The following APBB2 variants were observed in gnomAD, a reference collection of about 807,000 sequenced individuals.
APBB2 encodes amyloid beta precursor protein binding family B member 2.
Under a neutral mutation model 82.5 loss-of-function variants are expected in APBB2, and 38 were observed. The observed-to-expected ratio is 0.46, with a 90% CI of 0.36 to 0.60. The LOEUF is 0.60. Among genes scored for constraint, APBB2 ranks in the 20% least tolerant of loss-of-function variants. The pLI is 0.00. For missense variants in APBB2, 772 were observed against 972.3 expected, an observed-to-expected ratio of 0.79 and a Z score of 2.74; for synonymous variants, 341 against 368.2, an observed-to-expected ratio of 0.93 and a Z score of 0.85.
chr4:41,133,246 T>C (rs1309492759), intron 2 of APBB2, among the ~76,000 whole-genome samples: 2 of 152,256 alleles, frequency 1.3e-5, no homozygotes. Context: ...ATAAATATCT[T>C]GGCATAGTTT....
chr4:41,152,447 C>T (rs1214427268), intron 1 of APBB2, among the ~76,000 whole-genome samples: 2 of 152,000 alleles, frequency 1.3e-5, no homozygotes, highest in African/African-American at 2.4e-5. Flanking sequence ...CTCAGCCTCC[C>T]GAGTAGCTGG....
Position 41,162,909 on chromosome 4 carries a change from CTGAG to C in APBB2, c.-416-19771_-416-19768del, listed in dbSNP as rs576542851. 3.1e-4 allele frequency among the ~76,000 whole-genome samples: 47 copies of C among 152,206 alleles called. No individual in the cohort carries two copies. The South Asian group carries it at 9.6e-3, about 31-fold the overall frequency. On this transcript the variant is annotated intron_variant, in intron 1 of 17. Coordinates refer to ENST00000508593, the MANE Select transcript of APBB2 (RefSeq NM_004307.2). Reference sequence around the variant, plus strand: ...GTTGATTCAATTCAGCAAATATCCACTGAGTATCAATAAGGGCAAGGTGTGTGGA... The same window carrying C: ...GTTGATTCAATTCAGCAAATATCCACTATCAATAAGGGCAAGGTGTGTGGA...
intron 2 of APBB2, among the ~76,000 whole-genome samples, chr4:41,101,712 C>A (rs1745508978): frequency 6.6e-6 from 1 of 151,994 alleles, no homozygotes; most frequent in Non-Finnish European, 1.5e-5. Context: ...ATAATCCCAG[C>A]ACTTTGGGAG....
chr4:40,986,901 C>T (rs372627346), intron 6 of APBB2, among the ~76,000 whole-genome samples: 27 of 152,268 alleles, frequency 1.8e-4, no homozygotes, highest in Middle Eastern at 3.4e-3. Context: ...ACCGTCAATA[C>T]GGCAAAGGAG....
At chr4:41,089,913 C>T (rs918043665) in intron 3 of APBB2, among the ~76,000 whole-genome samples, 6 of 152,158 alleles carry the variant, frequency 3.9e-5, no homozygotes, top group Admixed American at 1.3e-4. Context: ...TATTGTCAAG[C>T]ATTACCTGAA....
At chr4:40,946,254 A>ACAAAAAAAAAAAAAAAAAAAAAAAAAC (rs1553875176) in intron 6 of APBB2, among the ~76,000 whole-genome samples, 1 of 114,560 alleles carries the variant, frequency 8.7e-6, no homozygotes, top group Non-Finnish European at 1.8e-5. Context: ...AAAAAAAAAA[A>ACAAAAAAAAAAAAAAAAAAAAAAAAAC]CATTCCCAAG....
At chr4:41,013,447 G>T in intron 6 of APBB2, 136 bp downstream of exon 6, 2 of 788,128 alleles carry the variant, frequency 2.5e-6, no homozygotes, top group Non-Finnish European at 4.1e-6. Context: ...CAAATAAATT[G>T]CCCAATTTTA....
intron 1 of APBB2, among the ~76,000 whole-genome samples, chr4:41,198,160 A>G: frequency 3.9e-5 from 6 of 152,090 alleles, no homozygotes; most frequent in African/African-American, 1.4e-4. Flanking sequence ...CTCCATATTC[A>G]CCACCTCCCT....
intron 6 of APBB2, among the ~76,000 whole-genome samples, chr4:40,945,616 G>A (rs965892001): frequency 1.3e-5 from 2 of 152,042 alleles, no homozygotes; most frequent in Admixed American, 1.3e-4. Flanking sequence ...TAATACTCTA[G>A]AATTCTTTTT....
At chr4:40,873,170 G>A (rs1360184326) in intron 12 of APBB2, among the ~76,000 whole-genome samples, 1 of 151,810 alleles carries the variant, frequency 6.6e-6, no homozygotes, top group Non-Finnish European at 1.5e-5. Context: ...ATACTTCTGT[G>A]GTATAATCTG....
intron 4 of APBB2, among the ~76,000 whole-genome samples, chr4:41,033,621 C>CACACA (rs3222357): frequency 7.1e-6 from 1 of 141,462 alleles, no homozygotes; most frequent in Non-Finnish European, 1.6e-5. Context: ...CACACACACA[C>CACACA]AATTCAGCAC....
chr4:41,035,946 C>T (rs1719004955), intron 4 of APBB2, among the ~76,000 whole-genome samples: 1 of 152,044 alleles, frequency 6.6e-6, no homozygotes, highest in Admixed American at 6.6e-5. Context: ...ACCACCTGAG[C>T]CCAGGAGTTT....
intron 5 of APBB2, among the ~76,000 whole-genome samples, chr4:41,016,022 G>A (rs1468083591): frequency 6.6e-6 from 1 of 152,134 alleles, no homozygotes; most frequent in Non-Finnish European, 1.5e-5. Context: ...ACTCAAGAGT[G>A]GCATTTCATA....
intron 6 of APBB2, among the ~76,000 whole-genome samples, chr4:40,962,236 C>T (rs1278614463): frequency 6.6e-6 from 1 of 152,078 alleles, no homozygotes; most frequent in African/African-American, 2.4e-5. Flanking sequence ...ATAGAAACTG[C>T]CATTTTTTTT....
At chr4:40,940,810 C>T (rs1346394980) in intron 7 of APBB2, among the ~76,000 whole-genome samples, 1 of 152,192 alleles carries the variant, frequency 6.6e-6, no homozygotes, top group East Asian at 1.9e-4. Flanking sequence ...TGGCCACAAG[C>T]CAATGGATAT....
At position 40,856,803 on chromosome 4, in the gene APBB2, T is replaced by C. The variant is rs112407983; in HGVS notation, c.1530-26226A>G. 4.6e-5 allele frequency among the ~76,000 whole-genome samples: 7 copies of C among 152,300 alleles called. 1 individual carries two copies. The highest frequency in any genetic ancestry group is 1.2e-4 in the African/African-American group (5 of 41,570). Reference sequence around the variant, plus strand: ...CCCATTTCATACAAGCCTCACTCCTTCTTCCCACCGGCGGGGCAGAAAGCC... The same window carrying C: ...CCCATTTCATACAAGCCTCACTCCTCCTTCCCACCGGCGGGGCAGAAAGCC... On this transcript the variant is annotated intron_variant, in intron 12 of 17. Coordinates refer to ENST00000508593, the MANE Select transcript of APBB2 (RefSeq NM_004307.2).
chr4:40,975,866 T>C (rs1029087187), intron 6 of APBB2, among the ~76,000 whole-genome samples: 28 of 152,258 alleles, frequency 1.8e-4, no homozygotes, highest in African/African-American at 6.5e-4. Context: ...TGATTTCTTA[T>C]TTCTTAACCC....
At chr4:41,049,506 G>C (rs1394849174) in intron 4 of APBB2, among the ~76,000 whole-genome samples, 1 of 145,556 alleles carries the variant, frequency 6.9e-6, no homozygotes, top group Non-Finnish European at 1.5e-5. Flanking sequence ...CCGGGAGGGA[G>C]GTGGGGGCCA....
intron 10 of APBB2, among the ~76,000 whole-genome samples, chr4:40,920,479 A>G (rs1780979562): frequency 6.6e-6 from 1 of 152,172 alleles, no homozygotes; most frequent in Non-Finnish European, 1.5e-5. Context: ...TAAAACAGTT[A>G]CATGTCTTTA....
Sources: gnomAD v4.1 joint callset for allele counts (sites outside exome capture counted in the v4.1 genomes callset) on GRCh38, gnomAD v4.1.1 for gene constraint, MANE v1.5 for transcripts, NCBI Gene and HGNC (gene_info 2026-07-23, HGNC 2026-07-21) for gene names.